Variants in RASAL2 observed in about 807,000 individuals in gnomAD.
RASAL2 encodes the protein RAS protein activator like 2, also known as ras GTPase-activating protein nGAP.
Under a neutral mutation model 128.9 loss-of-function variants are expected in RASAL2, and 58 were observed. The ratio of observed to expected loss-of-function variants is 0.45; its 90% CI spans 0.36 to 0.56. The LOEUF (loss-of-function observed/expected upper bound fraction) is 0.56, where lower values mean the gene tolerates loss of function less well. Ranked by LOEUF, RASAL2 falls within the 20% of genes least tolerant of loss-of-function variation. RASAL2 has a pLI of 0.00. For missense variants in RASAL2, 1,360 were observed against 1,601.6 expected (o/e 0.85, Z 2.57); for synonymous variants, 561 against 580.8 (o/e 0.97, Z 0.49).
chr1:178,469,868 A>G (rs1648101107), intron 17 of RASAL2, among the ~76,000 whole-genome samples: 1 of 152,250 alleles, frequency 6.6e-6, no homozygotes, highest in African/African-American at 2.4e-5. Flanking sequence ...ATTCTACCAG[A>G]GACCCACTGT....
intron 3 of RASAL2, among the ~76,000 whole-genome samples, chr1:178,315,015 C>T (rs1234293899): frequency 6.8e-6 from 1 of 147,876 alleles, no homozygotes; most frequent in Non-Finnish European, 1.5e-5. Context: ...GTTCAGTTCC[C>T]ACCTGTGAGT....
chr1:178,098,781 C>T (rs753151057), intron 1 of RASAL2, among the ~76,000 whole-genome samples: 4 of 152,104 alleles, frequency 2.6e-5, no homozygotes, highest in Non-Finnish European at 5.9e-5. Context: ...AACATTATTA[C>T]CATTAAGCTT....
intron 5 of RASAL2, among the ~76,000 whole-genome samples, chr1:178,422,612 G>C (rs935658332): frequency 6.6e-6 from 1 of 152,036 alleles, no homozygotes; most frequent in Non-Finnish European, 1.5e-5. Context: ...ATAGAGCTAA[G>C]GTACAAGATA....
Position 178,457,964 on chromosome 1 carries a change from G to A in RASAL2, c.2672G>A (p.Arg891Gln), listed in dbSNP as rs149197116. The change falls in exon 14 of 18, where the codon CGG becomes CAG. Residue 891 changes from arginine (R) to glutamine (Q), a missense_variant. Physicochemically the swap from Arg to Gln is conservative, Grantham distance 43. Transcript: ENST00000367649. ...CAGGTGGCCAGCATCAAACAGCTGCGGGAAACCCAGAGCACTCCCCAAAGT... is the reference window on the plus strand; with the variant it reads ...CAGGTGGCCAGCATCAAACAGCTGCAGGAAACCCAGAGCACTCCCCAAAGT... ...ITQVASIKQL[R>Q]ETQSTPQSAP... is the part of the protein sequence containing the mutation. 392 of 1,613,994 alleles carry A rather than the reference G, an allele frequency of 2.4e-4. No homozygotes were observed. The East Asian group carries it at 6.3e-3, about 26-fold the overall frequency.
chr1:178,148,641 T>C (rs1163871666), intron 1 of RASAL2, among the ~76,000 whole-genome samples: 2 of 151,930 alleles, frequency 1.3e-5, no homozygotes, highest in African/African-American at 2.4e-5. Flanking sequence ...GAGACAGGAT[T>C]GCCATGTTGC....
intron 1 of RASAL2, among the ~76,000 whole-genome samples, chr1:178,221,586 T>C (rs1200557350): frequency 6.6e-6 from 1 of 152,198 alleles, no homozygotes; most frequent in Non-Finnish European, 1.5e-5. Context: ...CTTTGTGTTA[T>C]TGATTTCTAG....
At chr1:178,343,608 A>G (rs1669993937) in intron 3 of RASAL2, among the ~76,000 whole-genome samples, 1 of 152,228 alleles carries the variant, frequency 6.6e-6, no homozygotes, top group Non-Finnish European at 1.5e-5. Context: ...AGAAATGATC[A>G]GAAGTCATTA....
At chr1:178,423,328 G>A (rs1216558985) in intron 5 of RASAL2, among the ~76,000 whole-genome samples, 1 of 152,128 alleles carries the variant, frequency 6.6e-6, no homozygotes, top group Non-Finnish European at 1.5e-5. Flanking sequence ...GCTTGGTATA[G>A]AGTATGTATG....
intron 1 of RASAL2, among the ~76,000 whole-genome samples, chr1:178,167,650 C>T (rs77215791): frequency 6.6e-6 from 1 of 152,000 alleles, no homozygotes; most frequent in African/African-American, 2.4e-5. Flanking sequence ...ATAACATAAA[C>T]GATTGATTAA....
At chr1:178,353,620 A>G (rs1670638422) in intron 3 of RASAL2, among the ~76,000 whole-genome samples, 1 of 152,146 alleles carries the variant, frequency 6.6e-6, no homozygotes, top group African/African-American at 2.4e-5. Flanking sequence ...CAAATTCCAA[A>G]GCTTCTTACA....
intron 9 of RASAL2, among the ~76,000 whole-genome samples, chr1:178,447,673 TAAAA>T (rs60358768): frequency 3.8e-3 from 213 of 56,026 alleles, no homozygotes; most frequent in African/African-American, 0.014. Context: ...CTCCTTCTCT[TAAAA>T]AAAAAAAAAA....
chr1:178,194,776 CAAAGA>C (rs1571613000), intron 1 of RASAL2: 1 of 155,380 alleles, frequency 6.4e-6, no homozygotes, highest in East Asian at 1.8e-4. Flanking sequence ...AGTCACCAAG[CAAAGA>C]AAAGATGCTC....
At chr1:178,441,944 C>A (rs1246510979) in intron 7 of RASAL2, among the ~76,000 whole-genome samples, 1 of 152,040 alleles carries the variant, frequency 6.6e-6, no homozygotes, top group Non-Finnish European at 1.5e-5. Flanking sequence ...ACAGTCATGG[C>A]AGAAGGCAGA....
At chr1:178,383,656 C>T (rs1284423227) in intron 3 of RASAL2, among the ~76,000 whole-genome samples, 1 of 152,152 alleles carries the variant, frequency 6.6e-6, no homozygotes, top group African/African-American at 2.4e-5. Flanking sequence ...AAACCCATTT[C>T]CTCCTACTAT....
intron 1 of RASAL2, among the ~76,000 whole-genome samples, chr1:178,178,307 A>G (rs920594648): frequency 6.6e-6 from 1 of 152,200 alleles, no homozygotes; most frequent in Non-Finnish European, 1.5e-5. Context: ...CAACATGATG[A>G]TAATCTGAAA....
At chr1:178,106,288 T>C (rs1190176382) in intron 1 of RASAL2, among the ~76,000 whole-genome samples, 1 of 152,220 alleles carries the variant, frequency 6.6e-6, no homozygotes, top group Non-Finnish European at 1.5e-5. Flanking sequence ...TATATTTGCA[T>C]GTTCCAGTTT....
chr1:178,431,148 T>A (rs1435132399), intron 5 of RASAL2, among the ~76,000 whole-genome samples: 1 of 152,050 alleles, frequency 6.6e-6, no homozygotes, highest in Admixed American at 6.6e-5. Flanking sequence ...ATCTTGGAAT[T>A]TAAAAACCCT....
At chr1:178,366,595 C>A (rs937779958) in intron 3 of RASAL2, among the ~76,000 whole-genome samples, 66 of 109,310 alleles carry the variant, frequency 6.0e-4, no homozygotes, top group African/African-American at 1.0e-3. Context: ...CCCCCCCCGC[C>A]AAAAAAAAAC....
intron 1 of RASAL2, among the ~76,000 whole-genome samples, chr1:178,220,828 G>A: frequency 6.6e-6 from 1 of 152,206 alleles, no homozygotes; most frequent in East Asian, 1.9e-4. Context: ...TCTACTGAAA[G>A]ACATGTTGGT....
Sources: allele counts gnomAD v4.1 joint callset (sites outside exome capture counted in the v4.1 genomes callset), GRCh38; gene constraint gnomAD v4.1.1; transcripts MANE v1.5; gene names NCBI Gene and HGNC (gene_info 2026-07-23, HGNC 2026-07-21).